The following ITGB1 variants were observed in gnomAD, a reference collection of about 807,000 sequenced individuals.
ITGB1 encodes the protein integrin beta-1.
In ITGB1, 24 loss-of-function variants were observed where a neutral mutation model predicts 86.5. The observed-to-expected ratio is 0.28, with a 90% confidence interval of 0.20 to 0.39. The LOEUF (loss-of-function observed/expected upper bound fraction) is 0.39, where lower values mean the gene tolerates loss of function less well. Ranked by LOEUF, ITGB1 falls within the 10% of genes least tolerant of loss-of-function variation. The pLI, the probability that ITGB1 is intolerant of heterozygous loss-of-function variation, is 1.00. For synonymous variants in ITGB1, 323 were observed against 316.8 expected (o/e 1.02, Z -0.21); for missense variants, 556 against 946.9 (o/e 0.59, Z 5.42).
intron 13 of ITGB1, among the ~76,000 whole-genome samples, chr10:32,910,687 TAAGA>T (rs774115036): frequency 1.2e-4 from 19 of 152,128 alleles, no homozygotes; most frequent in African/African-American, 2.4e-4. Context: ...AAAACCCTAT[TAAGA>T]AATAAAAGAT....
intron 1 of ITGB1, among the ~76,000 whole-genome samples, chr10:32,937,330 G>A (rs1413204294): frequency 1.3e-5 from 2 of 152,060 alleles, no homozygotes; most frequent in African/African-American, 4.8e-5. Context: ...GACCAAGGCG[G>A]GTGGATCACG....
At chr10:32,939,583 A>T (rs551082288) in intron 1 of ITGB1, among the ~76,000 whole-genome samples, 1 of 152,364 alleles carries the variant, frequency 6.6e-6, no homozygotes, top group African/African-American at 2.4e-5. Context: ...TGCAGTAAGC[A>T]TGTGTGTATC....
chr10:32,958,056 G>C (rs1221083930), intron 1 of ITGB1, 89 bp downstream of exon 1: 2 of 146,094 alleles, frequency 1.4e-5, no homozygotes, highest in Admixed American at 7.2e-5. Flanking sequence ...GTCCCGGCGC[G>C]GCCCGGCCGG....
intron 14 of ITGB1, among the ~76,000 whole-genome samples, 180 bp downstream of exon 14, chr10:32,910,043 C>T (rs1257386161): frequency 2.0e-5 from 3 of 152,166 alleles, no homozygotes; most frequent in Admixed American, 1.3e-4. Flanking sequence ...AAGTGGAACT[C>T]TCTTTTCCTT....
At chr10:32,931,884 GA>G (rs1214884836) in intron 3 of ITGB1, among the ~76,000 whole-genome samples, 16 of 152,106 alleles carry the variant, frequency 1.1e-4, no homozygotes, top group Middle Eastern at 6.8e-3. Context: ...TTGACTCACT[GA>G]ACATTTAGTA....
intron 13 of ITGB1, 102 bp from the exon 14 acceptor site, chr10:32,910,557 A>G: frequency 1.4e-6 from 1 of 698,038 alleles, no homozygotes; most frequent in Non-Finnish European, 2.4e-6. Flanking sequence ...CAAATTGAAC[A>G]AACAGCTATG....
At chr10:32,933,169 C>CT (rs34596235) in intron 2 of ITGB1, among the ~76,000 whole-genome samples, 53,318 of 151,736 alleles carry the variant, frequency 0.35, 11,969 homozygotes, top group Non-Finnish European at 0.51. Context: ...AATTTGGGAC[C>CT]GTGATTTTGG....
At chr10:32,903,825 T>G (rs1449006125) in intron 15 of ITGB1, among the ~76,000 whole-genome samples, 1 of 152,126 alleles carries the variant, frequency 6.6e-6, no homozygotes, top group Non-Finnish European at 1.5e-5. Context: ...ACTACTATCT[T>G]AAAAAGCCAG....
In ITGB1 at chr10:32,928,279, G is replaced by A. The variant is rs201011724; in HGVS notation, c.377-15C>T. 3.6e-6 allele frequency: 3 copies of A among 827,624 alleles called. No homozygotes were observed. Among genetic ancestry groups the A allele is most frequent in the Middle Eastern group, 2.3e-4 (1 of 4,378 alleles). 51.3% of individuals were successfully genotyped at this position (827,624 alleles called of 1,614,324 possible). On this transcript the variant is annotated splice_polypyrimidine_tract_variant and intron_variant, in intron 4 of 15. Coordinates refer to ENST00000302278, the MANE Select transcript of ITGB1 (RefSeq NM_002211.4). ...CTGTGGCTCCCCTAATTAGACAAGAGATTAGAAAATGAAACTTGCCTGTTG... is the reference window on the plus strand; with the variant it reads ...CTGTGGCTCCCCTAATTAGACAAGAAATTAGAAAATGAAACTTGCCTGTTG...
In ITGB1 at chr10:32,923,573, C is replaced by T. The variant is rs201957092; in HGVS notation, c.942+12G>A. On this transcript the variant is annotated intron_variant, in intron 7 of 15. Transcript: ENST00000302278. ...ATAAACACATTCACTATGTAAGGAA[C>T]CAGGCACTTACATAATAATGGCTCA... is the stretch of plus-strand genomic sequence containing the variant. 4.0e-5 allele frequency: 64 copies of T among 1,604,166 alleles called. No individual in the cohort carries two copies. Among genetic ancestry groups the T allele is most frequent in the South Asian group, 3.9e-4 (35 of 89,826 alleles).
chr10:32,925,462 G>T (rs2094961741), intron 6 of ITGB1, among the ~76,000 whole-genome samples: 2 of 152,144 alleles, frequency 1.3e-5, no homozygotes, highest in Non-Finnish European at 2.9e-5. Context: ...AATGATACAA[G>T]ACACTCTCCC....
intron 1 of ITGB1, chr10:32,945,145 G>A (rs561734474): frequency 1.2e-5 from 4 of 343,954 alleles, no homozygotes; most frequent in African/African-American, 6.4e-5. Context: ...TCTGGATACT[G>A]AGGATGTGCC....
At chr10:32,950,552 G>T (rs2095040647) in intron 1 of ITGB1, among the ~76,000 whole-genome samples, 1 of 151,918 alleles carries the variant, frequency 6.6e-6, no homozygotes, top group African/African-American at 2.4e-5. Context: ...TTCGCAGAAA[G>T]AATAGAGAAG....
chr10:32,902,666 G>A (rs2094884931), intron 15 of ITGB1, among the ~76,000 whole-genome samples: 1 of 152,098 alleles, frequency 6.6e-6, no homozygotes, highest in African/African-American at 2.4e-5. Context: ...AGAACCAACT[G>A]CAGGTGATTT....
chr10:32,935,594 G>A, intron 1 of ITGB1, 36 bp from the exon 2 acceptor site: 1 of 1,417,296 alleles, frequency 7.1e-7, no homozygotes, highest in Non-Finnish European at 9.9e-7. Context: ...TAGTTATAAA[G>A]AAATAAAATG....
intron 1 of ITGB1, among the ~76,000 whole-genome samples, chr10:32,952,471 T>TG (rs2095044458): frequency 6.6e-6 from 1 of 151,582 alleles, no homozygotes; most frequent in Non-Finnish European, 1.5e-5. Context: ...AACATGACCC[T>TG]GTACCACCCC....
At chr10:32,940,410 T>G (rs932782795) in intron 1 of ITGB1, among the ~76,000 whole-genome samples, 1 of 152,176 alleles carries the variant, frequency 6.6e-6, no homozygotes, top group Non-Finnish European at 1.5e-5. Context: ...AGTTGTTTAT[T>G]ATCAAGTATT....
intron 3 of ITGB1, 22 bp from the exon 4 acceptor site, chr10:32,930,066 G>A (rs755515570): frequency 2.4e-6 from 2 of 844,728 alleles, no homozygotes; most frequent in Non-Finnish European, 4.1e-6. Flanking sequence ...ATAAAATATA[G>A]GTATAAATGA....
chr10:32,948,006 A>ATT (rs35342363), intron 1 of ITGB1, among the ~76,000 whole-genome samples: 1 of 147,724 alleles, frequency 6.8e-6, no homozygotes, highest in Non-Finnish European at 1.5e-5. Flanking sequence ...CTATGGTTGA[A>ATT]TTTTTTTTTT....
Sources: gnomAD v4.1 joint callset for allele counts (sites outside exome capture counted in the v4.1 genomes callset) on GRCh38, gnomAD v4.1.1 for gene constraint, MANE v1.5 for transcripts, NCBI Gene and HGNC (gene_info 2026-07-23, HGNC 2026-07-21) for gene names.